Variants in LRTM3 observed in about 807,000 individuals in gnomAD.
LRTM3 encodes leucine rich repeat transmembrane protein 3.
chr13:102,742,624 C>T, the LRTM3 span: 1 of 1,550,568 alleles, frequency 6.4e-7, no homozygotes, highest in Non-Finnish European at 8.7e-7. Context: ...AGTTCTGTTT[C>T]TGCTCCTTAT....
chr13:102,733,900 T>C, the LRTM3 span: 1 of 1,551,314 alleles, frequency 6.4e-7, no homozygotes, highest in Non-Finnish European at 8.7e-7. Flanking sequence ...CAACTGAGTC[T>C]CTATTTGTTA....
At chr13:102,749,608 A>G in the LRTM3 span, 1 of 1,551,424 alleles carries the variant, frequency 6.4e-7, no homozygotes, top group Middle Eastern at 1.7e-4. Flanking sequence ...TCCTATCCAG[A>G]TCTTGGGACT....
the LRTM3 span, chr13:102,733,004 C>A: frequency 6.4e-7 from 1 of 1,551,420 alleles, no homozygotes; most frequent in African/African-American, 1.4e-5. Context: ...CTTCCTTCCC[C>A]CTTTTGCAGG....
At chr13:102,732,239 C>T in the LRTM3 span, 58 of 1,551,140 alleles carry the variant, frequency 3.7e-5, no homozygotes, top group Middle Eastern at 1.7e-4. Context: ...GTGAGGTGAA[C>T]GCATGATGGA....
At chr13:102,743,545 C>T in the LRTM3 span, 8 of 1,548,536 alleles carry the variant, frequency 5.2e-6, no homozygotes, top group Non-Finnish European at 7.0e-6. Flanking sequence ...ATATAATTTT[C>T]CTTTCTGATA....
the LRTM3 span, chr13:102,740,200 A>G: frequency 6.5e-7 from 1 of 1,548,770 alleles, no homozygotes; most frequent in Non-Finnish European, 8.7e-7. Context: ...CCTGTACCCC[A>G]TCTGATGATT....
chr13:102,745,936 A>C, the LRTM3 span: 4 of 1,551,028 alleles, frequency 2.6e-6, no homozygotes, highest in African/African-American at 5.5e-5. Flanking sequence ...TCAGTTCCTC[A>C]TCTGATTTGA....
chr13:102,745,199 T>A, the LRTM3 span: 1 of 1,550,912 alleles, frequency 6.4e-7, no homozygotes, highest in South Asian at 1.2e-5. Context: ...GAACATGAAA[T>A]GTTGCAGGTG....
chr13:102,746,430 G>A, the LRTM3 span: 1 of 1,550,988 alleles, frequency 6.4e-7, no homozygotes, highest in Non-Finnish European at 8.7e-7. Context: ...AACTCTCTCT[G>A]CAATCTGCTA....
At chr13:102,745,913 C>A in the LRTM3 span, 1 of 1,551,134 alleles carries the variant, frequency 6.4e-7, no homozygotes, top group African/African-American at 1.4e-5. Flanking sequence ...AATATTTGTA[C>A]TTCCTGGTTG....
At chr13:102,758,435 C>T in the LRTM3 span, 4 of 1,534,744 alleles carry the variant, frequency 2.6e-6, no homozygotes, top group African/African-American at 1.4e-5. Context: ...GAATTAATAA[C>T]TGACCAATTC....
the LRTM3 span, chr13:102,743,173 A>G: frequency 2.6e-6 from 4 of 1,550,470 alleles, no homozygotes; most frequent in African/African-American, 1.4e-5. Context: ...TTTCTCTATC[A>G]TGTAGTTTTG....
At chr13:102,742,079 T>C in the LRTM3 span, 1 of 1,550,548 alleles carries the variant, frequency 6.4e-7, no homozygotes, top group South Asian at 1.2e-5. Context: ...TTTTGGCTTG[T>C]CTTTCTCCAT....
At chr13:102,736,625 A>G in the LRTM3 span, 2 of 1,551,016 alleles carry the variant, frequency 1.3e-6, no homozygotes, top group Admixed American at 3.9e-5. Context: ...AGTTTTGCTC[A>G]GAAGTACAAC....
the LRTM3 span, chr13:102,740,248 A>G: frequency 2.6e-6 from 4 of 1,549,396 alleles, no homozygotes; most frequent in Non-Finnish European, 3.5e-6. Context: ...CATATTTTAT[A>G]GTTTTATGGT....
chr13:102,752,448 C>T, the LRTM3 span, among the ~76,000 whole-genome samples: 1 of 152,204 alleles, frequency 6.6e-6, no homozygotes, highest in Non-Finnish European at 1.5e-5. Flanking sequence ...GGCTACCCTG[C>T]AGGCTGCAAC....
At chr13:102,748,665 G>GT in the LRTM3 span, 3 of 1,550,386 alleles carry the variant, frequency 1.9e-6, no homozygotes, top group Non-Finnish European at 2.6e-6. Flanking sequence ...AGATCAAATG[G>GT]TTTTTTACTA....
the LRTM3 span, chr13:102,746,080 T>C: frequency 8.4e-6 from 13 of 1,551,062 alleles, no homozygotes; most frequent in South Asian, 3.6e-5. Context: ...TGGCTTTTTG[T>C]AGTTCTTCAG....
the LRTM3 span, chr13:102,741,126 T>C: frequency 6.5e-7 from 1 of 1,549,220 alleles, no homozygotes; most frequent in Non-Finnish European, 8.7e-7. Flanking sequence ...GATTCCAGAA[T>C]ATTCTCTTTA....
Sources: gnomAD v4.1 joint callset for allele counts (sites outside exome capture counted in the v4.1 genomes callset) on GRCh38, gnomAD v4.1.1 for gene constraint, MANE v1.5 for transcripts, NCBI Gene and HGNC (gene_info 2026-07-23, HGNC 2026-07-21) for gene names.